The following CDH5 variants were observed in gnomAD, a reference collection of about 807,000 sequenced individuals.
CDH5 encodes cadherin-5.
A neutral mutation model predicts 62.0 loss-of-function variants in CDH5; 28 were observed. The ratio of observed to expected loss-of-function variants is 0.45; its 90% confidence interval spans 0.33 to 0.62. The LOEUF is 0.62. Among genes scored for constraint, CDH5 ranks in the 20% least tolerant of loss-of-function variants. CDH5 has a pLI of 0.02. For synonymous variants in CDH5, 464 were observed against 445.8 expected (o/e 1.04, Z -0.52); for missense variants, 940 against 1,065.1 (o/e 0.88, Z 1.63).
chr16:66,379,585 A>T lies in CDH5; in HGVS notation c.210+38A>T, dbSNP rs1044030729. On this transcript the variant is annotated intron_variant, in intron 2 of 11. Transcript: ENST00000341529. ...CCCCAGGACAGGAGAAGCCATCAGCAGCTGGCCCATAGTGACAAGTGGTGG... is the reference window on the plus strand; with the variant it reads ...CCCCAGGACAGGAGAAGCCATCAGCTGCTGGCCCATAGTGACAAGTGGTGG... The T allele has an allele frequency of 1.9e-6, 3 of 1,584,934 alleles. No individual in the cohort carries two copies. The African/African-American group carries it at 4.0e-5, about 21-fold the overall frequency.
chr16:66,395,031 T>C (rs1961154078), intron 7 of CDH5, among the ~76,000 whole-genome samples: 10 of 60,352 alleles, frequency 1.7e-4, no homozygotes, highest in Non-Finnish European at 1.6e-4. Flanking sequence ...TTTTTTTTTT[T>C]TTTTTTTTTT....
At chr16:66,392,103 A>G (rs759221209) in intron 6 of CDH5, 33 bp from the exon 7 acceptor site, 9 of 1,613,390 alleles carry the variant, frequency 5.6e-6, no homozygotes, top group Non-Finnish European at 6.8e-6. Flanking sequence ...CTTGGCCCAG[A>G]GCAGGCACTC....
intron 1 of CDH5, among the ~76,000 whole-genome samples, chr16:66,375,091 G>A (rs986260814): frequency 1.3e-5 from 2 of 152,154 alleles, no homozygotes; most frequent in Non-Finnish European, 2.9e-5. Context: ...CGTATAGCCT[G>A]CCGCACACCT....
intron 2 of CDH5, 68 bp from the exon 3 acceptor site, chr16:66,386,741 T>G (rs1960990001): frequency 7.2e-7 from 1 of 1,392,228 alleles, no homozygotes; most frequent in African/African-American, 1.4e-5. Context: ...GTACACACAC[T>G]CTCACTCACA....
Position 66,383,378 on chromosome 16 carries a change from T to C in CDH5, c.211-3431T>C, listed in dbSNP as rs117949521. 1.0e-3 allele frequency among the ~76,000 whole-genome samples: 154 copies of C among 152,272 alleles called. No homozygotes were observed. In the East Asian group the frequency reaches 0.027, roughly 27 times the overall value. ...GGCATCTGGAAACTCTCTGCCCTAG[T>C]TTCTCAATTTTTCTGTAAATCTGGA... is the stretch of plus-strand genomic sequence containing the variant. On this transcript the variant is annotated intron_variant, in intron 2 of 11. Transcript: ENST00000341529.
chr16:66,379,282 A>C, intron 1 of CDH5, 37 bp from the exon 2 acceptor site: 3 of 1,460,550 alleles, frequency 2.1e-6, no homozygotes, highest in Non-Finnish European at 2.8e-6. Flanking sequence ...TTTCATCGTC[A>C]CTGGCCAGAG....
intron 9 of CDH5, 68 bp downstream of exon 9, chr16:66,398,174 C>T (rs1000385307): frequency 6.3e-7 from 1 of 1,575,950 alleles, no homozygotes; most frequent in Admixed American, 1.7e-5. Context: ...CAGAACTGCT[C>T]AACAGAGTCA....
In CDH5 at chr16:66,403,843, T is replaced by A. The variant is rs1002447293; in HGVS notation, c.*674T>A. The stretch of plus-strand genomic sequence containing the variant: ...CCAGTAACTGTGCTGTACTGAGCAC[T>A]GAACCACATTCAGGGAAATGGCTTA... On this transcript the variant is annotated 3_prime_UTR_variant, in exon 12 of 12. Coordinates refer to ENST00000341529, the MANE Select transcript of CDH5 (RefSeq NM_001795.5). The surrounding 1 kb of genome is among the most constrained non-coding windows in gnomAD (Gnocchi z 4.3). The A allele has an allele frequency of 2.0e-5, 3 of 153,184 alleles. No individual in the cohort carries two copies. Among genetic ancestry groups the A allele is most frequent in the Non-Finnish European group, 4.4e-5 (3 of 68,450 alleles). The allele number at this position is 153,184 out of a possible 1,614,324, so 9.5% of individuals were successfully genotyped here. A position where few individuals can be genotyped will look rare whatever the true frequency, so the allele number is the denominator to read the frequency against.
At chr16:66,390,995 G>T (rs940688856) in intron 6 of CDH5, among the ~76,000 whole-genome samples, 2 of 152,216 alleles carry the variant, frequency 1.3e-5, no homozygotes, top group Non-Finnish European at 2.9e-5. Context: ...ATGTGTCCTG[G>T]CCAGTAGAAA....
In CDH5 at chr16:66,392,199, G is replaced by T; in HGVS notation, c.1033G>T (p.Asp345Tyr). The change falls in exon 7 of 12, where the codon GAC becomes TAC. Residue 345 changes from aspartate to tyrosine, a missense_variant. Transcript: ENST00000341529. ...FIVEATDPTI[D>Y]LRYMSPPAGN... ...CGTCGAGGCCACAGACCCCACCATC[G>T]ACCTCCGATACATGAGCCCTCCCGC... The T allele has an allele frequency of 1.9e-6, 3 of 1,613,936 alleles. No homozygotes were observed. The highest frequency in any genetic ancestry group is 2.5e-6 in the Non-Finnish European group (3 of 1,179,992).
intron 1 of CDH5, among the ~76,000 whole-genome samples, chr16:66,377,906 C>A (rs1338453043): frequency 6.6e-6 from 1 of 152,222 alleles, no homozygotes; most frequent in Non-Finnish European, 1.5e-5. Context: ...ACCCCACAGA[C>A]CTGCCTTCAA....
chr16:66,393,198 G>A (rs558167671), intron 7 of CDH5, among the ~76,000 whole-genome samples: 16 of 152,156 alleles, frequency 1.1e-4, no homozygotes, highest in East Asian at 3.9e-4. Context: ...ATAAGTCATC[G>A]TTTTCCCACC....
intron 1 of CDH5, among the ~76,000 whole-genome samples, chr16:66,369,995 T>A (rs968530911): frequency 6.6e-6 from 1 of 152,028 alleles, no homozygotes; most frequent in African/African-American, 2.4e-5. Context: ...TTTGTTTGTT[T>A]GTTTGTTTGT....
At chr16:66,384,335 C>T (rs59434441) in intron 2 of CDH5, among the ~76,000 whole-genome samples, 87,922 of 150,214 alleles carry the variant, frequency 0.59, 26,250 homozygotes, top group East Asian at 0.81. Context: ...CTCAAGTGAT[C>T]CACCCACCTT....
At chr16:66,393,199 T>C (rs34694523) in intron 7 of CDH5, among the ~76,000 whole-genome samples, 14,277 of 152,294 alleles carry the variant, frequency 0.094, 866 homozygotes, top group Middle Eastern at 0.2. Context: ...TAAGTCATCG[T>C]TTTCCCACCT....
In CDH5 at chr16:66,403,144, A is replaced by AC. The variant is rs756493399; in HGVS notation, c.2335dup (p.Arg779ProfsTer58). 3.1e-6 allele frequency: 5 copies of AC among 1,611,762 alleles called. No individual in the cohort carries two copies. The South Asian group carries it at 4.4e-5, about 14-fold the overall frequency. ...ATGCTGGCTGAGCTGTACGGCTCGGACCCCCGGGAGGAGCTGCTGTATTAG... is the reference window on the plus strand; with the variant it reads ...ATGCTGGCTGAGCTGTACGGCTCGGACCCCCCGGGAGGAGCTGCTGTATTAG... On this transcript the variant is annotated frameshift_variant, in exon 12 of 12. Transcript: ENST00000341529. LOFTEE classifies it high-confidence loss of function. This position sits in a 1 kb window ranked among gnomAD's most constrained non-coding sequence, Gnocchi z 4.3.
intron 5 of CDH5, among the ~76,000 whole-genome samples, chr16:66,390,081 A>G (rs1030383251): frequency 3.9e-5 from 6 of 152,182 alleles, no homozygotes; most frequent in Non-Finnish European, 1.5e-5. Flanking sequence ...AGACAGGCCA[A>G]TTGTCCTGAA....
chr16:66,387,701 C>T (rs1192860027), intron 3 of CDH5, among the ~76,000 whole-genome samples: 1 of 152,218 alleles, frequency 6.6e-6, no homozygotes, highest in Non-Finnish European at 1.5e-5. Flanking sequence ...GTAGCCTTTA[C>T]ATGTGACGAC....
intron 2 of CDH5, among the ~76,000 whole-genome samples, chr16:66,379,845 TG>T (rs1596931342): frequency 6.6e-6 from 1 of 151,526 alleles, no homozygotes; most frequent in South Asian, 2.1e-4. Context: ...AAGGGGTAGG[TG>T]GTGGTTGTGA....
Sources: allele counts gnomAD v4.1 joint callset (sites outside exome capture counted in the v4.1 genomes callset), GRCh38; gene constraint gnomAD v4.1.1; non-coding constraint Gnocchi (gnomAD v3.1); transcripts MANE v1.5; gene names NCBI Gene and HGNC (gene_info 2026-07-23, HGNC 2026-07-21).